CEP128: variants seen among roughly 807,000 people sequenced by gnomAD.
CEP128 encodes the protein centrosomal protein 128kDa.
CEP128 carries 132 observed loss-of-function variants against 156.7 expected under a neutral mutation model. The observed-to-expected ratio is 0.84, with a 90% CI of 0.73 to 0.97. The LOEUF (loss-of-function observed/expected upper bound fraction) is 0.97, where lower values mean the gene tolerates loss of function less well. Ranked by LOEUF, CEP128 falls within the 50% of genes least tolerant of loss-of-function variation. The probability of loss-of-function intolerance (pLI) is 0.00; values close to 1 mark genes in which losing one functional copy is unlikely to be tolerated. For missense variants in CEP128, 1,252 were observed against 1,281.9 expected (o/e 0.98, Z 0.36); for synonymous variants, 469 against 448.9 (o/e 1.04, Z -0.57).
chr14:80,855,017 A>G (rs1021227370), intron 9 of CEP128, among the ~76,000 whole-genome samples: 1 of 152,218 alleles, frequency 6.6e-6, no homozygotes, highest in African/African-American at 2.4e-5. Context: ...ATGGGATTAA[A>G]GCTGGTTAAA....
chr14:80,497,831 C>T (rs1887560395), intron 24 of CEP128, among the ~76,000 whole-genome samples: 1 of 152,118 alleles, frequency 6.6e-6, no homozygotes, highest in African/African-American at 2.4e-5. Context: ...ATGTGTGCTT[C>T]GTCAGGATAC....
chr14:80,874,135 C>A (rs559609666), intron 8 of CEP128, among the ~76,000 whole-genome samples: 1 of 152,244 alleles, frequency 6.6e-6, no homozygotes, highest in Admixed American at 6.5e-5. Flanking sequence ...CCTCAGGCAA[C>A]AGTTGAAAAA....
intron 19 of CEP128, among the ~76,000 whole-genome samples, chr14:80,664,408 G>T (rs1048903555): frequency 6.6e-6 from 1 of 151,792 alleles, no homozygotes; most frequent in Non-Finnish European, 1.5e-5. Context: ...AGCAAGCTGA[G>T]AAAGAGCTAT....
rs184375105 is a variant in CEP128 at position 80,538,665 on chromosome 14, T to A, written c.2881-7779A>T. ...GTACATTGCATACATTAATACACGTTCCCTCACCTAATTCAGCACGCATAT... is the reference window on the plus strand; with the variant it reads ...GTACATTGCATACATTAATACACGTACCCTCACCTAATTCAGCACGCATAT... On this transcript the variant is annotated intron_variant, in intron 21 of 24. Transcript: ENST00000555265. 6.6e-4 allele frequency among the ~76,000 whole-genome samples: 101 copies of A among 152,342 alleles called. 1 individual carries two copies. Among genetic ancestry groups the A allele is most frequent in the Admixed American group, 2.3e-3 (35 of 15,306 alleles).
chr14:80,717,971 C>T (rs1246468724), intron 19 of CEP128, among the ~76,000 whole-genome samples: 2 of 152,056 alleles, frequency 1.3e-5, no homozygotes, highest in Non-Finnish European at 1.5e-5. Context: ...TGCACCATCA[C>T]ACTCAGCTAA....
intron 9 of CEP128, among the ~76,000 whole-genome samples, chr14:80,857,257 C>T (rs1435436459): frequency 1.4e-5 from 2 of 141,684 alleles, no homozygotes; most frequent in African/African-American, 5.3e-5. Context: ...TGTGTGTTTA[C>T]AGTCTACATA....
At chr14:80,489,907 CAAAAA>C (rs34425331), downstream of CEP128, among the ~76,000 whole-genome samples, 34 of 131,624 alleles carry the variant, frequency 2.6e-4, no homozygotes, top group Non-Finnish European at 3.5e-4. Context: ...GTTTTATCAC[CAAAAA>C]AAAAAAAAAA....
chr14:80,542,409 AAAAATC>A (rs1889805984), intron 21 of CEP128, among the ~76,000 whole-genome samples: 2 of 152,250 alleles, frequency 1.3e-5, no homozygotes, highest in Admixed American at 1.3e-4. Context: ...TGCAGAATTT[AAAAATC>A]GACTATCTTT....
intron 8 of CEP128, among the ~76,000 whole-genome samples, 156 bp from the exon 9 acceptor site, chr14:80,863,029 C>T (rs1469988257): frequency 6.6e-6 from 1 of 152,126 alleles, no homozygotes; most frequent in Non-Finnish European, 1.5e-5. Flanking sequence ...CATGAAATAG[C>T]TGGCCAAAAA....
intron 19 of CEP128, among the ~76,000 whole-genome samples, chr14:80,593,767 G>T (rs1220404180): frequency 6.6e-6 from 1 of 152,098 alleles, no homozygotes; most frequent in East Asian, 1.9e-4. Context: ...ACTTACAAGG[G>T]ATGTGAAGGA....
intron 8 of CEP128, chr14:80,894,675 A>C: frequency 2.5e-6 from 1 of 397,808 alleles, no homozygotes; most frequent in Non-Finnish European, 4.9e-6. Context: ...TCTTCACAAA[A>C]AACTTAATAC....
At chr14:80,791,924 C>A (rs1321566439) in intron 14 of CEP128, among the ~76,000 whole-genome samples, 1 of 152,076 alleles carries the variant, frequency 6.6e-6, no homozygotes, top group Non-Finnish European at 1.5e-5. Flanking sequence ...GTCAACTTAT[C>A]CAAATGATTA....
chr14:80,937,478 C>T (rs1204541678), intron 2 of CEP128, among the ~76,000 whole-genome samples: 1 of 152,008 alleles, frequency 6.6e-6, no homozygotes, highest in Non-Finnish European at 1.5e-5. Context: ...CTCATCCATT[C>T]ATCCATGAGC....
Position 80,729,064 on chromosome 14 carries a change from T to G in CEP128, c.2806+14011A>C, listed in dbSNP as rs1181780487. Among the ~76,000 whole-genome samples, 196 of 36,548 alleles carry G rather than the reference T, an allele frequency of 5.4e-3. 3 individuals carry two copies. Among genetic ancestry groups the G allele is most frequent in the African/African-American group, 0.012 (130 of 10,922 alleles). 24.0% of individuals were successfully genotyped at this position (36,548 alleles called of 152,430 possible). A position where few individuals can be genotyped will look rare whatever the true frequency, so the allele number is the denominator to read the frequency against. On this transcript the variant is annotated intron_variant, in intron 19 of 24. Transcript: ENST00000555265. ...CCCAGGCTGGGCTGGTGGGGGTGTG[T>G]GTGTGTGTGTGTGTGTGTGTGTGTG...
intron 12 of CEP128, among the ~76,000 whole-genome samples, chr14:80,832,938 A>G (rs918970870): frequency 6.6e-6 from 1 of 152,168 alleles, no homozygotes; most frequent in Admixed American, 6.5e-5. Flanking sequence ...TAGCTATATG[A>G]TTTCTGTCAT....
At chr14:80,862,641 T>C (rs1887569289) in intron 9 of CEP128, 116 bp downstream of exon 9, 1 of 721,198 alleles carries the variant, frequency 1.4e-6, no homozygotes. Flanking sequence ...CAATATGTGA[T>C]ATTAATACTT....
At chr14:80,479,862 A>C (rs930584031) in intron 14 of CEP128, among the ~76,000 whole-genome samples, 2 of 152,220 alleles carry the variant, frequency 1.3e-5, no homozygotes, top group African/African-American at 4.8e-5. Context: ...TAGATACAAT[A>C]GGAGTTCAGG....
rs114369322 is a variant in CEP128 at position 80,549,701 on chromosome 14, C to G, written c.2880+9578G>C. Among the ~76,000 whole-genome samples, 786 of 152,284 alleles carry G rather than the reference C, an allele frequency of 5.2e-3. 6 individuals carry two copies. The highest frequency in any genetic ancestry group is 0.018 in the African/African-American group (752 of 41,562). On this transcript the variant is annotated intron_variant, in intron 21 of 24. Coordinates refer to ENST00000555265, the MANE Select transcript of CEP128 (RefSeq NM_152446.5). ...GTACAGCGGCACTTTAGTAAGTACT[C>G]TAACTCATTTGGGTCTATATATTCT...
intron 8 of CEP128, among the ~76,000 whole-genome samples, chr14:80,873,500 A>G (rs1888129675): frequency 6.6e-6 from 1 of 152,230 alleles, no homozygotes; most frequent in Non-Finnish European, 1.5e-5. Flanking sequence ...TGTAATGTGC[A>G]CTATGCAAAT....
Sources: gnomAD v4.1 joint callset for allele counts (sites outside exome capture counted in the v4.1 genomes callset) on GRCh38, gnomAD v4.1.1 for gene constraint, MANE v1.5 for transcripts, NCBI Gene and HGNC (gene_info 2026-07-23, HGNC 2026-07-21) for gene names.